The following TTLL11 variants were observed in gnomAD, a reference collection of about 807,000 sequenced individuals.
TTLL11 encodes tubulin tyrosine ligase like 11.
TTLL11 carries 42 observed loss-of-function variants against 51.7 expected under a neutral mutation model. The ratio of observed to expected loss-of-function variants is 0.81; its 90% CI spans 0.64 to 1.05. The LOEUF is 1.05. TTLL11 is among the 50% of genes least tolerant of loss of function. The probability of loss-of-function intolerance (pLI) is 0.00; values close to 1 mark genes in which losing one functional copy is unlikely to be tolerated. For synonymous variants in TTLL11, 381 were observed against 383.5 expected (o/e 0.99, Z 0.08); for missense variants, 799 against 940.4 (o/e 0.85, Z 1.97).
intron 4 of TTLL11, among the ~76,000 whole-genome samples, chr9:121,985,508 C>CTTT (rs766262272): frequency 0.011 from 1,400 of 130,794 alleles, 45 homozygotes; most frequent in African/African-American, 0.025. Flanking sequence ...ATACCATTTT[C>CTTT]TTTTCTTTTT....
rs200466385 is a variant in TTLL11, at chr9:121,989,839, C to T, written c.694-69G>A. The stretch of plus-strand genomic sequence containing the variant: ...TCTGGATCCCTAACACAGAGCAAGG[C>T]CTTAGCAAATGTGTGGTGAATGAGT... On this transcript the variant is annotated intron_variant, in intron 3 of 8. Coordinates refer to ENST00000321582, the MANE Select transcript of TTLL11 (RefSeq NM_001139442.2). The surrounding 1 kb of genome is among the most constrained non-coding windows in gnomAD (Gnocchi z 4.2). 94 of 1,521,120 alleles carry T rather than the reference C, an allele frequency of 6.2e-5. 1 individual carries two copies. The East Asian group carries it at 1.9e-3, about 31-fold the overall frequency. The allele number at this position is 1,521,120 out of a possible 1,614,324, so 94.2% of individuals were successfully genotyped here.
chr9:121,850,615 G>A (rs1588068942), intron 8 of TTLL11, among the ~76,000 whole-genome samples: 1 of 152,254 alleles, frequency 6.6e-6, no homozygotes, highest in East Asian at 1.9e-4. Flanking sequence ...CCTTTTTGTT[G>A]CTGTTGTTCT....
chr9:121,897,162 G>A (rs1839556029), intron 6 of TTLL11, among the ~76,000 whole-genome samples: 1 of 152,160 alleles, frequency 6.6e-6, no homozygotes, highest in Admixed American at 6.5e-5. Context: ...CCCCCACACA[G>A]AGGCTATGTG....
At chr9:121,901,173 T>C (rs1310938893) in intron 6 of TTLL11, among the ~76,000 whole-genome samples, 1 of 152,246 alleles carries the variant, frequency 6.6e-6, no homozygotes, top group Non-Finnish European at 1.5e-5. Flanking sequence ...ACTACTGATT[T>C]TTGTATACTG....
chr9:121,912,722 C>G (rs1840181031), intron 6 of TTLL11, among the ~76,000 whole-genome samples: 1 of 152,004 alleles, frequency 6.6e-6, no homozygotes, highest in South Asian at 2.1e-4. Context: ...TGGCACAGGG[C>G]AGATATTCAA....
chr9:122,063,595 T>A (rs575335830), intron 1 of TTLL11, among the ~76,000 whole-genome samples: 2 of 152,246 alleles, frequency 1.3e-5, no homozygotes, highest in Non-Finnish European at 2.9e-5. Context: ...AAAGCAAAAT[T>A]TATTTTCAAA....
chr9:122,046,352 G>A (rs1845001778), intron 1 of TTLL11, among the ~76,000 whole-genome samples: 2 of 152,110 alleles, frequency 1.3e-5, no homozygotes, highest in Admixed American at 6.5e-5. Context: ...TTCCATGATT[G>A]TAAGTTTCCT....
intron 1 of TTLL11, among the ~76,000 whole-genome samples, chr9:122,045,533 A>G (rs1476074465): frequency 2.6e-5 from 4 of 152,186 alleles, no homozygotes; most frequent in Non-Finnish European, 2.9e-5. Flanking sequence ...CCTGGGCGAT[A>G]GAGTGAGACT....
At chr9:121,942,889 C>T (rs1201274522) in intron 6 of TTLL11, among the ~76,000 whole-genome samples, 5 of 152,084 alleles carry the variant, frequency 3.3e-5, no homozygotes, top group Admixed American at 2.0e-4. Flanking sequence ...CCAACATCCC[C>T]TCATTCAAGA....
chr9:121,971,555 C>T (rs1189328410), intron 6 of TTLL11, among the ~76,000 whole-genome samples: 2 of 141,358 alleles, frequency 1.4e-5, no homozygotes, highest in African/African-American at 5.0e-5. Flanking sequence ...GGCCACCACC[C>T]CGTCTGGGAG....
In TTLL11 at chr9:121,934,560, C is replaced by T. The variant is rs1157020782; in HGVS notation, c.1481+39449G>A. 9.2e-5 allele frequency among the ~76,000 whole-genome samples: 14 copies of T among 152,240 alleles called. No individual in the cohort carries two copies. In the East Asian group the frequency reaches 1.9e-3, roughly 21 times the overall value. Reference sequence around the variant, plus strand: ...TGCAAATGTTGTTGGCTGTTTTCCTCGAAGTGAAAAGCTCACTTAGTTTCA... The same window carrying T: ...TGCAAATGTTGTTGGCTGTTTTCCTTGAAGTGAAAAGCTCACTTAGTTTCA... On this transcript the variant is annotated intron_variant, in intron 6 of 8. Transcript: ENST00000321582.
At chr9:121,878,773 G>C (rs909557633) in intron 6 of TTLL11, among the ~76,000 whole-genome samples, 1 of 152,222 alleles carries the variant, frequency 6.6e-6, no homozygotes, top group Non-Finnish European at 1.5e-5. Flanking sequence ...TGCCGGCCCT[G>C]AGCATGGAGC....
intron 8 of TTLL11, among the ~76,000 whole-genome samples, chr9:121,834,806 G>A (rs1032537274): frequency 3.3e-5 from 5 of 150,172 alleles, no homozygotes; most frequent in African/African-American, 1.2e-4. Context: ...CAGCCTGGGC[G>A]ACAGAGTGAG....
chr9:122,050,259 C>T (rs1845121715), intron 1 of TTLL11, among the ~76,000 whole-genome samples: 1 of 152,162 alleles, frequency 6.6e-6, no homozygotes, highest in African/African-American at 2.4e-5. Flanking sequence ...TTTTAATGTC[C>T]AAGGAAATCA....
At chr9:122,056,730 C>T (rs1207907781) in intron 1 of TTLL11, among the ~76,000 whole-genome samples, 1 of 152,228 alleles carries the variant, frequency 6.6e-6, no homozygotes, top group Non-Finnish European at 1.5e-5. Flanking sequence ...ACAGCATTCC[C>T]ACTCAAAGCA....
intron 8 of TTLL11, among the ~76,000 whole-genome samples, chr9:121,839,588 T>C (rs1302617966): frequency 6.6e-6 from 1 of 152,136 alleles, no homozygotes; most frequent in Non-Finnish European, 1.5e-5. Context: ...CTTTAAGTCA[T>C]GAGAGGGGCC....
chr9:122,027,768 C>T (rs1844393302), intron 3 of TTLL11, among the ~76,000 whole-genome samples: 1 of 152,172 alleles, frequency 6.6e-6, no homozygotes, highest in Non-Finnish European at 1.5e-5. Context: ...GATGCAAATT[C>T]TTGAGGCCAG....
intron 6 of TTLL11, among the ~76,000 whole-genome samples, chr9:121,887,079 A>G (rs1174388240): frequency 1.3e-5 from 2 of 152,206 alleles, no homozygotes. Context: ...TTCACAAAAC[A>G]TCTGTTTCAG....
At chr9:122,004,656 G>A (rs113658380) in intron 3 of TTLL11, among the ~76,000 whole-genome samples, 58 of 152,102 alleles carry the variant, frequency 3.8e-4, no homozygotes, top group African/African-American at 1.3e-3. Context: ...TCTTTCCAAC[G>A]CCCTTATGAG....
Sources: gnomAD v4.1 joint callset for allele counts (sites outside exome capture counted in the v4.1 genomes callset) on GRCh38, gnomAD v4.1.1 for gene constraint, Gnocchi (gnomAD v3.1) non-coding constraint, MANE v1.5 for transcripts, NCBI Gene and HGNC (gene_info 2026-07-23, HGNC 2026-07-21) for gene names.